The following XKR9 variants were observed in gnomAD, a reference collection of about 807,000 sequenced individuals.
XKR9 encodes the protein XK-related protein 9.
A neutral mutation model predicts 32.0 loss-of-function variants in XKR9; 32 were observed. The ratio of observed to expected loss-of-function variants is 1.00; its 90% CI spans 0.76 to 1.34. The LOEUF is 1.34. XKR9 is among the 40% of genes most tolerant of loss of function. The probability of loss-of-function intolerance (pLI) is 0.00; values close to 1 mark genes in which losing one functional copy is unlikely to be tolerated. For synonymous variants in XKR9, 168 were observed against 143.4 expected (o/e 1.17, Z -1.22); for missense variants, 546 against 429.7 (o/e 1.27, Z -2.39).
chr8:70,805,391 C>T, the XKR9 span, among the ~76,000 whole-genome samples: 3 of 152,198 alleles, frequency 2.0e-5, no homozygotes, highest in African/African-American at 4.8e-5. Flanking sequence ...ACCGAGCTCC[C>T]GGGGGGAGGG....
the XKR9 span, among the ~76,000 whole-genome samples, chr8:70,955,095 T>C: frequency 6.6e-6 from 1 of 152,222 alleles, no homozygotes; most frequent in East Asian, 1.9e-4. Flanking sequence ...GAAACTTCTG[T>C]TTCAATTCCA....
At chr8:70,733,405 C>G (rs1436114479) in intron 4 of XKR9, among the ~76,000 whole-genome samples, 1 of 151,916 alleles carries the variant, frequency 6.6e-6, no homozygotes, top group East Asian at 1.9e-4. Flanking sequence ...GTCAAAACAT[C>G]TAGAAAAACT....
At chr8:70,882,251 A>T in the XKR9 span, among the ~76,000 whole-genome samples, 2 of 152,106 alleles carry the variant, frequency 1.3e-5, no homozygotes, top group African/African-American at 4.8e-5. Flanking sequence ...CCTAGAACTT[A>T]AAGTATAATA....
the XKR9 span, among the ~76,000 whole-genome samples, chr8:70,966,750 G>C: frequency 6.6e-6 from 1 of 152,172 alleles, no homozygotes; most frequent in Non-Finnish European, 1.5e-5. Flanking sequence ...TTGTGTGGGA[G>C]TCTAAGTCTC....
the XKR9 span, among the ~76,000 whole-genome samples, chr8:70,909,511 G>C: frequency 2.0e-5 from 3 of 151,884 alleles, no homozygotes; most frequent in African/African-American, 7.3e-5. Context: ...TGACATTGAA[G>C]TAATCTGTTT....
chr8:71,004,116 C>T, the XKR9 span, among the ~76,000 whole-genome samples: 1 of 152,158 alleles, frequency 6.6e-6, no homozygotes, highest in Non-Finnish European at 1.5e-5. Context: ...ATAATGTTGG[C>T]TGGGGTCATC....
chr8:70,849,206 C>T, the XKR9 span, among the ~76,000 whole-genome samples: 1 of 152,010 alleles, frequency 6.6e-6, no homozygotes, highest in Non-Finnish European at 1.5e-5. Flanking sequence ...TAAAACACTC[C>T]TCAGCAAATA....
chr8:70,827,550 C>A, the XKR9 span, among the ~76,000 whole-genome samples: 1 of 152,050 alleles, frequency 6.6e-6, no homozygotes, highest in African/African-American at 2.4e-5. Context: ...TATTAAGAGA[C>A]CTTGGAAATA....
chr8:70,705,552 G>A (rs1324234950), intron 3 of XKR9, among the ~76,000 whole-genome samples: 1 of 152,026 alleles, frequency 6.6e-6, no homozygotes, highest in African/African-American at 2.4e-5. Flanking sequence ...AAAGACAAAG[G>A]CCCTTAAGTT....
chr8:70,900,141 G>T, the XKR9 span, among the ~76,000 whole-genome samples: 12 of 151,540 alleles, frequency 7.9e-5, no homozygotes, highest in Non-Finnish European at 1.8e-4. Flanking sequence ...ATAACTGCTT[G>T]GGGTTCATGT....
the XKR9 span, among the ~76,000 whole-genome samples, chr8:70,828,720 CA>C: frequency 2.5e-5 from 2 of 81,300 alleles, no homozygotes; most frequent in South Asian, 4.2e-4. Context: ...GACTATGTCT[CA>C]AAAAAAAAGA....
chr8:71,047,184 A>G, the XKR9 span, among the ~76,000 whole-genome samples: 1 of 152,228 alleles, frequency 6.6e-6, no homozygotes, highest in South Asian at 2.1e-4. Flanking sequence ...AGTTGTGGGA[A>G]AGAAGATTGG....
At chr8:70,813,155 T>C in the XKR9 span, among the ~76,000 whole-genome samples, 1 of 152,234 alleles carries the variant, frequency 6.6e-6, no homozygotes, top group Non-Finnish European at 1.5e-5. Flanking sequence ...TACAACCATC[T>C]GATCTTTGAC....
the XKR9 span, among the ~76,000 whole-genome samples, chr8:70,987,199 C>T: frequency 6.0e-4 from 92 of 152,224 alleles, no homozygotes; most frequent in South Asian, 0.017. Flanking sequence ...AATCTCATGT[C>T]CTCATATTTC....
At chr8:70,705,078 T>C (rs1805672912) in intron 3 of XKR9, among the ~76,000 whole-genome samples, 1 of 152,190 alleles carries the variant, frequency 6.6e-6, no homozygotes, top group African/African-American at 2.4e-5. Flanking sequence ...TGCATATCCA[T>C]ATATTTATCT....
chr8:70,839,654 C>T, the XKR9 span, among the ~76,000 whole-genome samples: 1 of 152,118 alleles, frequency 6.6e-6, no homozygotes, highest in Non-Finnish European at 1.5e-5. Flanking sequence ...ATACCTTACT[C>T]AGCTTCCTGA....
chr8:70,699,989 T>C (rs902188546), intron 3 of XKR9, among the ~76,000 whole-genome samples: 1 of 152,270 alleles, frequency 6.6e-6, no homozygotes, highest in African/African-American at 2.4e-5. Flanking sequence ...TCCTGAGTCT[T>C]CTGCATTCTT....
the XKR9 span, among the ~76,000 whole-genome samples, chr8:70,807,270 A>C: frequency 6.6e-6 from 1 of 152,198 alleles, no homozygotes; most frequent in Non-Finnish European, 1.5e-5. Flanking sequence ...AAAAGTGCTA[A>C]ATATGGAAAA....
chr8:70,724,428 A>AG (rs1270587717), intron 4 of XKR9, among the ~76,000 whole-genome samples: 4 of 68,062 alleles, frequency 5.9e-5, no homozygotes, highest in South Asian at 4.5e-4. Context: ...CCACTGGGGT[A>AG]GGAAAAAAAA....
Sources: allele counts gnomAD v4.1 joint callset (sites outside exome capture counted in the v4.1 genomes callset), GRCh38; gene constraint gnomAD v4.1.1; transcripts MANE v1.5; gene names NCBI Gene and HGNC (gene_info 2026-07-23, HGNC 2026-07-21).